The following GRID1 variants were observed in gnomAD, a reference collection of about 807,000 sequenced individuals.
GRID1 encodes the protein glutamate ionotropic receptor delta type subunit 1.
A neutral mutation model predicts 98.0 loss-of-function variants in GRID1; 28 were observed. That is an observed-to-expected ratio of 0.29 (90% confidence interval 0.21 to 0.39). The LOEUF is 0.39. Among genes scored for constraint, GRID1 ranks in the 10% least tolerant of loss-of-function variants. The pLI is 1.00. For missense variants in GRID1, 1,111 were observed against 1,340.5 expected, an observed-to-expected ratio of 0.83 and a Z score of 2.67; for synonymous variants, 553 against 538.5, an observed-to-expected ratio of 1.03 and a Z score of -0.37.
At chr10:86,296,924 A>G (rs1847601933) in intron 2 of GRID1, among the ~76,000 whole-genome samples, 1 of 152,212 alleles carries the variant, frequency 6.6e-6, no homozygotes, top group South Asian at 2.1e-4. Flanking sequence ...AAAGAGTATA[A>G]CTATTTAGAA....
At chr10:86,032,569 G>T (rs1843202276) in intron 4 of GRID1, among the ~76,000 whole-genome samples, 2 of 152,108 alleles carry the variant, frequency 1.3e-5, no homozygotes, top group African/African-American at 4.8e-5. Flanking sequence ...TCCATTCAGG[G>T]TTAAATGGAT....
intron 8 of GRID1, among the ~76,000 whole-genome samples, chr10:85,806,192 A>C (rs1842621805): frequency 6.6e-6 from 1 of 152,080 alleles, no homozygotes; most frequent in Admixed American, 6.6e-5. Flanking sequence ...ACACATTAAG[A>C]GTTACCAACA....
intron 2 of GRID1, among the ~76,000 whole-genome samples, chr10:86,315,407 G>A (rs1287077658): frequency 2.0e-5 from 3 of 152,196 alleles, no homozygotes; most frequent in East Asian, 3.9e-4. Context: ...GCCCAGGGCA[G>A]GAACATGGTC....
At chr10:85,969,103 T>C (rs1447959209) in intron 4 of GRID1, among the ~76,000 whole-genome samples, 1 of 152,196 alleles carries the variant, frequency 6.6e-6, no homozygotes, top group Non-Finnish European at 1.5e-5. Context: ...AAAAGGAACA[T>C]TTTATAATGA....
At chr10:85,904,958 T>C (rs1222551470) in intron 5 of GRID1, among the ~76,000 whole-genome samples, 2 of 152,004 alleles carry the variant, frequency 1.3e-5, no homozygotes, top group African/African-American at 4.8e-5. Flanking sequence ...TTTTCACATT[T>C]TGCAGTAATA....
intron 2 of GRID1, among the ~76,000 whole-genome samples, chr10:86,329,416 CA>C (rs1763885069): frequency 6.6e-6 from 1 of 152,192 alleles, no homozygotes; most frequent in African/African-American, 2.4e-5. Context: ...GTGAATACCC[CA>C]ATATGCCTCC....
intron 4 of GRID1, among the ~76,000 whole-genome samples, chr10:85,989,216 T>A (rs1842649028): frequency 6.6e-6 from 1 of 152,186 alleles, no homozygotes; most frequent in African/African-American, 2.4e-5. Context: ...GGACAGGTTG[T>A]TTGGCATGCA....
At chr10:85,997,293 G>C (rs1166588087) in intron 4 of GRID1, among the ~76,000 whole-genome samples, 1 of 152,010 alleles carries the variant, frequency 6.6e-6, no homozygotes, top group Non-Finnish European at 1.5e-5. Context: ...CCAACTACTC[G>C]GGAGGCTGAG....
Position 85,602,341 on chromosome 10 carries a change from A to G in GRID1, c.2962T>C (p.Ser988Pro). 2 of 1,581,852 alleles carry G rather than the reference A, an allele frequency of 1.3e-6. No individual in the cohort carries two copies. Among genetic ancestry groups the G allele is most frequent in the South Asian group, 2.3e-5 (2 of 85,766 alleles). Residue 988 changes from serine to proline, a missense_variant, in exon 16 of 16, where the codon TCC becomes CCC. Physicochemically the swap from Ser to Pro is moderately conservative, Grantham distance 74 (BLOSUM62 -1). Transcript: ENST00000327946. ...QSPVKTPIPM[S>P]FQPVPGGVLP... ...ACGCCTCCAGGCACGGGCTGGAAGGACATGGGGATGGGGGTCTTCACCGGG... is the reference window on the plus strand; with the variant it reads ...ACGCCTCCAGGCACGGGCTGGAAGGGCATGGGGATGGGGGTCTTCACCGGG...
intron 8 of GRID1, among the ~76,000 whole-genome samples, chr10:85,829,745 G>C (rs554609948): frequency 1.3e-5 from 2 of 152,002 alleles, no homozygotes; most frequent in Non-Finnish European, 2.9e-5. Flanking sequence ...GCTAACTAAA[G>C]AGGTGAAAGA....
chr10:86,264,861 C>A (rs144378787), intron 2 of GRID1: 366 of 430,394 alleles, frequency 8.5e-4, no homozygotes, highest in African/African-American at 7.1e-3. Flanking sequence ...CTCCAACCTG[C>A]AGCCAAATTC....
chr10:86,134,198 C>T lies in GRID1; in HGVS notation c.726+4621G>A, dbSNP rs547673202. 1.8e-4 allele frequency among the ~76,000 whole-genome samples: 27 copies of T among 152,342 alleles called. 1 individual carries two copies. In the South Asian group the frequency reaches 5.0e-3, roughly 28 times the overall value. On this transcript the variant is annotated intron_variant, in intron 4 of 15. Coordinates refer to ENST00000327946, the MANE Select transcript of GRID1 (RefSeq NM_017551.3). ...CCACCAGTGGCATGGTGTGTGGCCA[C>T]GACTTTCCATATCATAGCCAGTCTT...
intron 2 of GRID1, among the ~76,000 whole-genome samples, chr10:86,263,500 T>G (rs1173985448): frequency 6.6e-6 from 1 of 152,140 alleles, no homozygotes; most frequent in Non-Finnish European, 1.5e-5. Flanking sequence ...GCCTTTCACC[T>G]GCAGAACAAG....
chr10:86,202,994 A>T (rs572901337), intron 3 of GRID1, among the ~76,000 whole-genome samples: 1 of 152,338 alleles, frequency 6.6e-6, no homozygotes, highest in South Asian at 2.1e-4. Context: ...AAATAGGATG[A>T]TGCCTTGGCT....
intron 2 of GRID1, among the ~76,000 whole-genome samples, chr10:86,249,635 G>A (rs780597690): frequency 6.6e-5 from 10 of 150,848 alleles, no homozygotes; most frequent in Non-Finnish European, 1.5e-4. Context: ...ACAACAGGAA[G>A]ATAGCTGTTT....
chr10:85,764,722 A>G (rs1291770532), intron 8 of GRID1, among the ~76,000 whole-genome samples: 21 of 152,234 alleles, frequency 1.4e-4, no homozygotes, highest in Admixed American at 1.4e-3. Context: ...TGTCACTCTC[A>G]AAAAACAGCT....
intron 5 of GRID1, among the ~76,000 whole-genome samples, chr10:85,896,631 T>C (rs937301949): frequency 2.0e-5 from 3 of 152,218 alleles, no homozygotes; most frequent in African/African-American, 7.2e-5. Context: ...CAAGAAATAT[T>C]AAAAGTGTTT....
intron 3 of GRID1, among the ~76,000 whole-genome samples, chr10:86,150,363 T>C (rs1825102177): frequency 6.6e-6 from 1 of 152,226 alleles, no homozygotes; most frequent in African/African-American, 2.4e-5. Flanking sequence ...ATGAAAAAAC[T>C]GAAGGCCAGA....
intron 12 of GRID1, among the ~76,000 whole-genome samples, chr10:85,703,026 T>A (rs922792398): frequency 6.6e-6 from 1 of 150,534 alleles, no homozygotes; most frequent in Non-Finnish European, 1.5e-5. Flanking sequence ...AGAGAGAAAG[T>A]TGTGAGGGGG....
Sources: gnomAD v4.1 joint callset for allele counts (sites outside exome capture counted in the v4.1 genomes callset) on GRCh38, gnomAD v4.1.1 for gene constraint, MANE v1.5 for transcripts, NCBI Gene and HGNC (gene_info 2026-07-23, HGNC 2026-07-21) for gene names.